Variants in TENT5D observed in about 807,000 individuals in gnomAD.
TENT5D encodes cancer/testis antigen 112.
For missense variants in TENT5D, 191 were observed against 287.0 expected, an observed-to-expected ratio of 0.67 and a Z score of 2.42; for synonymous variants, 103 against 100.6, an observed-to-expected ratio of 1.02 and a Z score of -0.15.
chrX:80,368,972 T>C (rs747982990), intron 3 of TENT5D, among the ~76,000 whole-genome samples: 23 of 111,886 alleles, frequency 2.1e-4, no homozygotes, highest in African/African-American at 7.1e-4. Flanking sequence ...CAATATTATG[T>C]CTATGTTATT....
At chrX:80,443,482 A>C in exon 3 of TENT5D, 1 of 1,210,967 alleles carries the variant, frequency 8.3e-7, no homozygotes, top group African/African-American at 1.7e-5. Flanking sequence ...TTGCCTCATG[A>C]GTTATGAAAG....
intron 2 of TENT5D, among the ~76,000 whole-genome samples, chrX:80,337,148 A>G (rs964515833): frequency 5.3e-5 from 6 of 112,205 alleles, no homozygotes; most frequent in Admixed American, 1.9e-4. Flanking sequence ...CAAATCTGTT[A>G]AAGTAAAACT....
At chrX:80,435,813 A>T (rs1358402498) in intron 1 of TENT5D, among the ~76,000 whole-genome samples, 1 of 112,619 alleles carries the variant, frequency 8.9e-6, no homozygotes, top group African/African-American at 3.2e-5. Context: ...TTTGTAAGCA[A>T]AACTTATCTA....
At chrX:80,439,024 A>ATAC (rs1932233101) in intron 2 of TENT5D, among the ~76,000 whole-genome samples, 1 of 111,548 alleles carries the variant, frequency 9.0e-6, no homozygotes, top group Non-Finnish European at 1.9e-5. Context: ...CATTACAGGC[A>ATAC]TACTAATAGG....
chrX:80,364,725 A>T (rs1930473264), intron 3 of TENT5D, among the ~76,000 whole-genome samples: 1 of 109,531 alleles, frequency 9.1e-6, no homozygotes, highest in Admixed American at 9.9e-5. Context: ...TAGATATATA[A>T]AATATATTAC....
At chrX:80,434,409 T>A (rs1164936947) in intron 1 of TENT5D, among the ~76,000 whole-genome samples, 1 of 111,495 alleles carries the variant, frequency 9.0e-6, no homozygotes, top group Non-Finnish European at 1.9e-5. Context: ...CATTACCCAA[T>A]ATATAGTAGT....
intron 2 of TENT5D, chrX:80,342,487 CT>C (rs1306127113): frequency 8.9e-6 from 1 of 112,086 alleles, no homozygotes; most frequent in Non-Finnish European, 1.9e-5. Flanking sequence ...CTTTCTATTT[CT>C]TTTTTATTCA....
chrX:80,392,767 C>T (rs1366187273), intron 3 of TENT5D, among the ~76,000 whole-genome samples: 2 of 108,148 alleles, frequency 1.8e-5, no homozygotes, highest in South Asian at 4.1e-4. Context: ...CCACCCGCCT[C>T]GGCCTCCCAA....
intron 3 of TENT5D, among the ~76,000 whole-genome samples, chrX:80,346,664 A>AT (rs1414387817): frequency 1.8e-5 from 2 of 110,884 alleles, no homozygotes; most frequent in Non-Finnish European, 3.8e-5. Flanking sequence ...TATTTTGTTT[A>AT]TTTTTTTGTT....
At chrX:80,337,223 G>A (rs182677400) in intron 2 of TENT5D, among the ~76,000 whole-genome samples, 4 of 111,330 alleles carry the variant, frequency 3.6e-5, no homozygotes, top group African/African-American at 9.8e-5. Flanking sequence ...ATTAAATATT[G>A]AATACCTATA....
intron 3 of TENT5D, among the ~76,000 whole-genome samples, chrX:80,344,166 A>G (rs1199000318): frequency 1.8e-5 from 2 of 110,465 alleles, no homozygotes; most frequent in Admixed American, 9.8e-5. Flanking sequence ...TCCATGGTGT[A>G]TATGTACCAC....
chrX:80,411,486 C>A (rs1358872949), intron 3 of TENT5D, among the ~76,000 whole-genome samples: 1 of 111,350 alleles, frequency 9.0e-6, no homozygotes, highest in Non-Finnish European at 1.9e-5. Flanking sequence ...AGATTTTTTT[C>A]TCATATAAAA....
At chrX:80,352,934 C>T (rs960487576) in intron 3 of TENT5D, among the ~76,000 whole-genome samples, 9 of 110,202 alleles carry the variant, frequency 8.2e-5, no homozygotes, top group African/African-American at 2.6e-4. Flanking sequence ...GGAGGGAGGC[C>T]CCCAACTCAT....
intron 3 of TENT5D, among the ~76,000 whole-genome samples, chrX:80,365,665 A>G (rs759451499): frequency 1.9e-4 from 21 of 109,778 alleles, no homozygotes; most frequent in African/African-American, 7.0e-4. Flanking sequence ...ACATGGAGAA[A>G]CCCTGTCTCT....
At chrX:80,420,151 C>A (rs1293577424), upstream of TENT5D, among the ~76,000 whole-genome samples, 3 of 111,732 alleles carry the variant, frequency 2.7e-5, no homozygotes, top group Non-Finnish European at 5.6e-5. Context: ...TAGGCAGTTA[C>A]AATACTTACA....
chrX:80,422,004 T>C (rs1208498775), intron 1 of TENT5D, among the ~76,000 whole-genome samples: 1 of 110,987 alleles, frequency 9.0e-6, no homozygotes, highest in Admixed American at 9.6e-5. Context: ...GGGCAAGTCA[T>C]TATTTATAAG....
At chrX:80,366,240 T>TGTGTGTGTG (rs1556047332) in intron 3 of TENT5D, among the ~76,000 whole-genome samples, 3 of 109,168 alleles carry the variant, frequency 2.7e-5, no homozygotes, top group African/African-American at 3.3e-5. Context: ...TGTGTGTGTG[T>TGTGTGTGTG]TCCATATGGA....
Position 80,363,183 on chromosome X carries a change from T to C in TENT5D, c.-142+20619T>C, listed in dbSNP as rs12012897. 4.7e-3 allele frequency among the ~76,000 whole-genome samples: 521 copies of C among 111,961 alleles called. 7 individuals are homozygous for C. The highest frequency in any genetic ancestry group is 0.016 in the African/African-American group (496 of 30,899). On this transcript the variant is annotated intron_variant, in intron 3 of 4. Coordinates refer to the TENT5D transcript ENST00000538312. ...CTGCTTTTCTGTGTCATTGGCAAGC[T>C]TAGATAGGGTCTTTGTTAACTGAAT...
intron 3 of TENT5D, among the ~76,000 whole-genome samples, chrX:80,385,829 T>C (rs186148709): frequency 1.3e-3 from 147 of 112,388 alleles, no homozygotes; most frequent in Non-Finnish European, 2.4e-3. Context: ...AAAATGCTCA[T>C]CATCACTGGC....
Sources: allele counts gnomAD v4.1 joint callset (sites outside exome capture counted in the v4.1 genomes callset), GRCh38; gene constraint gnomAD v4.1.1; transcripts MANE v1.5; gene names NCBI Gene and HGNC (gene_info 2026-07-23, HGNC 2026-07-21).